The following PCCA variants were observed in gnomAD, a reference collection of about 807,000 sequenced individuals.
PCCA encodes propionyl-CoA carboxylase alpha chain, mitochondrial.
PCCA carries 74 observed loss-of-function variants against 101.3 expected under a neutral mutation model. The ratio of observed to expected loss-of-function variants is 0.73; its 90% CI spans 0.61 to 0.89. The LOEUF is 0.89. Ranked by LOEUF, PCCA falls within the 40% of genes least tolerant of loss-of-function variation. PCCA has a pLI of 0.00. For missense variants in PCCA, 891 were observed against 907.0 expected (o/e 0.98, Z 0.23); for synonymous variants, 294 against 313.6 (o/e 0.94, Z 0.66).
At position 100,207,986 on chromosome 13, in the gene PCCA, C is replaced by T. The variant is rs185500698; in HGVS notation, c.469-1346C>T. Among the ~76,000 whole-genome samples, 324 of 152,070 alleles carry T rather than the reference C, an allele frequency of 2.1e-3. 2 individuals are homozygous for T. The highest frequency in any genetic ancestry group is 7.5e-3 in the African/African-American group (313 of 41,510). ...TGAGCCAAGATTGTGCCATTGCACT[C>T]CAGCCTGGTGACAGAGTGAGACTCT... On this transcript the variant is annotated intron_variant, in intron 6 of 23. Transcript: ENST00000376285.
At chr13:100,493,338 G>A (rs1332826453) in intron 21 of PCCA, among the ~76,000 whole-genome samples, 1 of 152,304 alleles carries the variant, frequency 6.6e-6, no homozygotes, top group East Asian at 1.9e-4. Flanking sequence ...AAGGCCTGTT[G>A]GGTGGATGTG....
intron 16 of PCCA, among the ~76,000 whole-genome samples, chr13:100,314,596 A>G (rs771661155): frequency 5.2e-4 from 79 of 152,224 alleles, no homozygotes; most frequent in Non-Finnish European, 8.4e-4. Flanking sequence ...CTTGTTATGA[A>G]TAACAGAAGA....
At chr13:100,281,779 A>T (rs547397643) in intron 12 of PCCA, among the ~76,000 whole-genome samples, 1 of 152,198 alleles carries the variant, frequency 6.6e-6, no homozygotes, top group Non-Finnish European at 1.5e-5. Context: ...ATAACCTGTC[A>T]TAGGGATGTA....
At chr13:100,188,369 T>C (rs2057484430) in intron 6 of PCCA, among the ~76,000 whole-genome samples, 1 of 149,958 alleles carries the variant, frequency 6.7e-6, no homozygotes, top group African/African-American at 2.4e-5. Context: ...TCCATCTGGA[T>C]TGCTGCAAAT....
chr13:100,486,796 A>G (rs9518081), intron 21 of PCCA, among the ~76,000 whole-genome samples: 34,755 of 152,088 alleles, frequency 0.23, 4,088 homozygotes, highest in Non-Finnish European at 0.25. Context: ...ATACATGCCC[A>G]TGACCCCAGC....
chr13:100,440,425 A>G (rs1056921272), intron 20 of PCCA, among the ~76,000 whole-genome samples: 2 of 151,510 alleles, frequency 1.3e-5, no homozygotes, highest in African/African-American at 4.8e-5. Flanking sequence ...TTTCATATCT[A>G]CTTGAGAGGA....
chr13:100,476,497 G>A (rs2083428553), intron 21 of PCCA, among the ~76,000 whole-genome samples: 2 of 152,146 alleles, frequency 1.3e-5, no homozygotes, highest in African/African-American at 2.4e-5. Flanking sequence ...ATCTTTCCAA[G>A]TCACTAGTTT....
At chr13:100,361,123 T>C (rs2074527383) in intron 18 of PCCA, among the ~76,000 whole-genome samples, 1 of 152,092 alleles carries the variant, frequency 6.6e-6, no homozygotes, top group Non-Finnish European at 1.5e-5. Context: ...AGATCAGTGA[T>C]TGCCAAGCAT....
intron 21 of PCCA, among the ~76,000 whole-genome samples, chr13:100,486,077 C>T (rs1166487043): frequency 1.3e-5 from 2 of 152,204 alleles, no homozygotes; most frequent in African/African-American, 4.8e-5. Context: ...CGGAGCCCAT[C>T]GTAGTGTCAT....
intron 7 of PCCA, among the ~76,000 whole-genome samples, chr13:100,234,475 A>G (rs1026584444): frequency 4.2e-4 from 42 of 99,764 alleles, no homozygotes; most frequent in African/African-American, 1.3e-3. Context: ...TGCTTGGAGT[A>G]AAAAAAAAAA....
intron 8 of PCCA, among the ~76,000 whole-genome samples, chr13:100,249,577 A>G (rs778783040): frequency 6.6e-6 from 1 of 152,134 alleles, no homozygotes; most frequent in Non-Finnish European, 1.5e-5. Flanking sequence ...TCCTTTCCAT[A>G]TAAACTTTAG....
At chr13:100,449,099 T>A (rs2081040747) in intron 20 of PCCA, among the ~76,000 whole-genome samples, 153 bp from the exon 21 acceptor site, 1 of 152,236 alleles carries the variant, frequency 6.6e-6, no homozygotes, top group Non-Finnish European at 1.5e-5. Flanking sequence ...TTCATTCCTT[T>A]TTATGGCCAA....
intron 12 of PCCA, among the ~76,000 whole-genome samples, chr13:100,284,104 T>G (rs539497401): frequency 5.9e-5 from 9 of 152,324 alleles, no homozygotes; most frequent in South Asian, 2.1e-4. Context: ...AGTGTTAATC[T>G]CCTGTCCTGG....
intron 5 of PCCA, among the ~76,000 whole-genome samples, chr13:100,156,159 G>T (rs376854992): frequency 6.6e-6 from 1 of 151,964 alleles, no homozygotes; most frequent in African/African-American, 2.4e-5. Flanking sequence ...CCTCTGTCCC[G>T]CCAGGTTCAA....
Position 100,478,237 on chromosome 13 carries a change from A to G in PCCA, c.1899+28932A>G, listed in dbSNP as rs368539894. Among the ~76,000 whole-genome samples the G allele has an allele frequency of 9.9e-5, 15 of 152,192 alleles. No homozygotes were observed. The South Asian group carries it at 3.1e-3, about 32-fold the overall frequency. ...CCTAGTCTTGTCTCCTCCAGAGAAA[A>G]GTTTTGAATCCTCTGAGGAGCGGTC... On this transcript the variant is annotated intron_variant, in intron 21 of 23. Coordinates refer to ENST00000376285, the MANE Select transcript of PCCA (RefSeq NM_000282.4).
intron 2 of PCCA, among the ~76,000 whole-genome samples, chr13:100,106,200 G>T (rs139566364): frequency 1.0e-3 from 153 of 152,206 alleles, no homozygotes; most frequent in Admixed American, 2.4e-3. Flanking sequence ...AGTACAGGAA[G>T]TTAAGATTCC....
chr13:100,512,134 C>T (rs369128501), intron 21 of PCCA, among the ~76,000 whole-genome samples: 323 of 152,328 alleles, frequency 2.1e-3, no homozygotes, highest in Non-Finnish European at 3.5e-3. Flanking sequence ...AATAGGTCCA[C>T]GGAAGAGCTG....
chr13:100,178,799 C>T (rs975348624), intron 6 of PCCA, among the ~76,000 whole-genome samples: 7 of 151,766 alleles, frequency 4.6e-5, no homozygotes, highest in African/African-American at 9.7e-5. Flanking sequence ...ATGTGTGGGC[C>T]GGGCGCGGTG....
intron 21 of PCCA, chr13:100,464,320 T>TACCC (rs953628611): frequency 1.3e-5 from 2 of 152,202 alleles, no homozygotes; most frequent in Non-Finnish European, 2.9e-5. Flanking sequence ...ACAGGTTGCC[T>TACCC]AACCTCCCTG....
Sources: allele counts gnomAD v4.1 joint callset (sites outside exome capture counted in the v4.1 genomes callset), GRCh38; gene constraint gnomAD v4.1.1; transcripts MANE v1.5; gene names NCBI Gene and HGNC (gene_info 2026-07-23, HGNC 2026-07-21).